Variants in DENND2C observed in about 807,000 individuals in gnomAD.
The protein encoded by DENND2C is DENN domain containing 2C, also known as DENN domain-containing protein 2C.
Under a neutral mutation model 112.4 loss-of-function variants are expected in DENND2C, and 72 were observed. That is an observed-to-expected ratio of 0.64 (90% CI 0.53 to 0.78). The LOEUF (loss-of-function observed/expected upper bound fraction) is 0.78. DENND2C is among the 30% of genes least tolerant of loss of function. DENND2C has a pLI of 0.00. For synonymous variants in DENND2C, 329 were observed against 381.6 expected (o/e 0.86, Z 1.61); for missense variants, 992 against 1,113.8 (o/e 0.89, Z 1.56).
intron 1 of DENND2C, among the ~76,000 whole-genome samples, chr1:114,660,758 C>G (rs1215833940): frequency 6.6e-6 from 1 of 152,076 alleles, no homozygotes; most frequent in African/African-American, 2.4e-5. Context: ...TTCTGAGGAT[C>G]AACAATTTAT....
intron 9 of DENND2C, among the ~76,000 whole-genome samples, chr1:114,610,829 A>G (rs1045678156): frequency 2.6e-5 from 4 of 152,154 alleles, no homozygotes; most frequent in African/African-American, 9.7e-5. Flanking sequence ...AGAATATTCC[A>G]TCATAAGAAC....
chr1:114,607,111 A>G (rs1372833430), intron 10 of DENND2C, among the ~76,000 whole-genome samples: 1 of 152,130 alleles, frequency 6.6e-6, no homozygotes, highest in African/African-American at 2.4e-5. Context: ...GGCACTTACT[A>G]GGGCCCAGGG....
In DENND2C at chr1:114,625,778, T is replaced by C; in HGVS notation, c.207A>G (p.Lys69=). 1 of 1,614,144 alleles carries C rather than the reference T, an allele frequency of 6.2e-7. No individual in the cohort carries two copies. Among genetic ancestry groups the C allele is most frequent in the Non-Finnish European group, 8.5e-7 (1 of 1,180,002 alleles). Residue 69 remains lysine (K), a synonymous_variant, in exon 4 of 21, where the codon AAA becomes AAG. Transcript: ENST00000393274. The part of the protein sequence containing the change: ...KKNPIAERKS[K]NLDVTSRENV... ...TTTCACGGCTGGTTACATCCAAGTT[T>C]TTGCTCTTTCTCTCAGCTATAGGAT...
At chr1:114,654,915 A>G (rs1657267718) in intron 1 of DENND2C, among the ~76,000 whole-genome samples, 154 bp from the exon 2 acceptor site, 1 of 152,176 alleles carries the variant, frequency 6.6e-6, no homozygotes, top group Admixed American at 6.5e-5. Flanking sequence ...TTACATCCAC[A>G]TTCCAGGAAG....
intron 5 of DENND2C, 47 bp downstream of exon 5, chr1:114,623,460 C>G: frequency 6.4e-7 from 1 of 1,568,654 alleles, no homozygotes; most frequent in Non-Finnish European, 8.7e-7. Context: ...AAGGGCTTCA[C>G]CAAATATATA....
chr1:114,660,629 G>A (rs936012609), intron 1 of DENND2C, among the ~76,000 whole-genome samples: 1 of 152,112 alleles, frequency 6.6e-6, no homozygotes, highest in Admixed American at 6.6e-5. Context: ...GCTGGACAGG[G>A]GGAGGGAACA....
chr1:114,659,891 C>T (rs925143796), intron 1 of DENND2C, among the ~76,000 whole-genome samples: 1 of 150,080 alleles, frequency 6.7e-6, no homozygotes, highest in Non-Finnish European at 1.5e-5. Context: ...TTTGGGCTTA[C>T]GCGATCCTTC....
chr1:114,652,183 T>C (rs371778044), intron 2 of DENND2C, among the ~76,000 whole-genome samples: 8 of 152,156 alleles, frequency 5.3e-5, no homozygotes, highest in South Asian at 4.1e-4. Flanking sequence ...ATGCAACTAT[T>C]AAAAAGGATG....
intron 18 of DENND2C, among the ~76,000 whole-genome samples, chr1:114,588,209 T>C (rs1170069500): frequency 6.6e-6 from 1 of 152,216 alleles, no homozygotes; most frequent in African/African-American, 2.4e-5. Flanking sequence ...GTTGATTTCA[T>C]TTTAACTGCA....
intron 18 of DENND2C, among the ~76,000 whole-genome samples, chr1:114,589,203 A>T (rs1408122144): frequency 1.3e-5 from 2 of 152,058 alleles, no homozygotes; most frequent in Admixed American, 6.5e-5. Flanking sequence ...TTTCTTCCAT[A>T]TCCAAATCGT....
At chr1:114,611,817 A>ACACACAC (rs71090797) in intron 8 of DENND2C, among the ~76,000 whole-genome samples, 1 of 150,544 alleles carries the variant, frequency 6.6e-6, no homozygotes, top group Non-Finnish European at 1.5e-5. Flanking sequence ...ACACACACAC[A>ACACACAC]AAGCAGCTTT....
intron 11 of DENND2C, among the ~76,000 whole-genome samples, chr1:114,603,424 G>A (rs1211464669): frequency 6.6e-6 from 1 of 151,872 alleles, no homozygotes; most frequent in Non-Finnish European, 1.5e-5. Flanking sequence ...CACAGCACCT[G>A]GCCAAGTCCA....
intron 10 of DENND2C, among the ~76,000 whole-genome samples, chr1:114,607,833 C>G (rs1655699380): frequency 6.6e-6 from 1 of 152,102 alleles, no homozygotes; most frequent in Non-Finnish European, 1.5e-5. Flanking sequence ...TATACATTAC[C>G]TCACTAAATC....
chr1:114,585,367 T>TA lies in DENND2C; in HGVS notation c.*232dup, dbSNP rs375699722. On this transcript the variant is annotated 3_prime_UTR_variant, in exon 21 of 21. Transcript: ENST00000393274. ...AAGAATCACATAGAAAAGGCTGCTA[T>TA]AAAAAAAAAATGGAGACAGAGTAAA... 0.054 allele frequency: 21,003 copies of TA among 391,328 alleles called. 468 individuals are homozygous for TA. The highest frequency in any genetic ancestry group is 0.13 in the African/African-American group (6,282 of 48,358). The allele number at this position is 391,328 out of a possible 1,614,324, so 24.2% of individuals were successfully genotyped here.
chr1:114,606,738 T>C (rs970099666), intron 10 of DENND2C, among the ~76,000 whole-genome samples: 12 of 152,222 alleles, frequency 7.9e-5, no homozygotes, highest in Admixed American at 4.6e-4. Context: ...TCCTGGGGGA[T>C]GACTGTAGAC....
At chr1:114,669,408 T>G (rs1252776110) in intron 1 of DENND2C, among the ~76,000 whole-genome samples, 1 of 152,192 alleles carries the variant, frequency 6.6e-6, no homozygotes, top group Non-Finnish European at 1.5e-5. Flanking sequence ...CATAATCTAA[T>G]CATCAGCTGC....
At chr1:114,587,254 C>G in intron 20 of DENND2C, 133 bp downstream of exon 20, 1 of 925,968 alleles carries the variant, frequency 1.1e-6, no homozygotes, top group Non-Finnish European at 1.7e-6. Context: ...ACTATGTTGC[C>G]CACGCTGGTC....
Position 114,586,321 on chromosome 1 carries a change from A to G in DENND2C, c.2756-690T>C, listed in dbSNP as rs1411988178. ...GTACCAAAGATAGACTTCATGGGGT[A>G]TATGAGCAGCCTAAAATTATGTGCA... is the stretch of plus-strand genomic sequence containing the variant. On this transcript the variant is annotated intron_variant, in intron 20 of 20. Coordinates refer to ENST00000393274, the MANE Select transcript of DENND2C (RefSeq NM_001256404.2). 6.6e-5 allele frequency among the ~76,000 whole-genome samples: 10 copies of G among 152,218 alleles called. No homozygotes were observed. The East Asian group carries it at 1.9e-3, about 29-fold the overall frequency.
intron 3 of DENND2C, among the ~76,000 whole-genome samples, chr1:114,638,762 C>CAAAAAAAAAAAAAAAAAAAAA (rs35740017): frequency 1.2e-5 from 1 of 84,162 alleles, no homozygotes; most frequent in Non-Finnish European, 2.3e-5. Context: ...GACCTTGTCT[C>CAAAAAAAAAAAAAAAAAAAAA]AAAAAAAAAA....
Sources: allele counts gnomAD v4.1 joint callset (sites outside exome capture counted in the v4.1 genomes callset), GRCh38; gene constraint gnomAD v4.1.1; transcripts MANE v1.5; gene names NCBI Gene and HGNC (gene_info 2026-07-23, HGNC 2026-07-21).